The following TNFRSF21 variants were observed in gnomAD, a reference collection of about 807,000 sequenced individuals.
TNFRSF21 encodes TNF receptor superfamily member 21, also known as tumor necrosis factor receptor superfamily member 21.
TNFRSF21 carries 19 observed loss-of-function variants against 45.6 expected under a neutral mutation model. The ratio of observed to expected loss-of-function variants is 0.42; its 90% confidence interval spans 0.29 to 0.61. The LOEUF (loss-of-function observed/expected upper bound fraction) is 0.61. Among genes scored for constraint, TNFRSF21 ranks in the 20% least tolerant of loss-of-function variants. The pLI, the probability that TNFRSF21 is intolerant of heterozygous loss-of-function variation, is 0.23. For synonymous variants in TNFRSF21, 314 were observed against 335.5 expected, an observed-to-expected ratio of 0.94 and a Z score of 0.70; for missense variants, 737 against 851.5, an observed-to-expected ratio of 0.87 and a Z score of 1.67.
intron 4 of TNFRSF21, among the ~76,000 whole-genome samples, chr6:47,242,276 A>C (rs1764755470): frequency 6.6e-6 from 1 of 152,172 alleles, no homozygotes; most frequent in Non-Finnish European, 1.5e-5. Flanking sequence ...AATAATGAAA[A>C]GGTTTTGTTT....
At chr6:47,238,960 A>C (rs980025571) in intron 4 of TNFRSF21, among the ~76,000 whole-genome samples, 3 of 152,140 alleles carry the variant, frequency 2.0e-5, no homozygotes, top group Non-Finnish European at 4.4e-5. Flanking sequence ...TAAAAAACTG[A>C]AGTACCCACT....
At chr6:47,236,102 G>A (rs1475641119) in intron 4 of TNFRSF21, among the ~76,000 whole-genome samples, 3 of 152,180 alleles carry the variant, frequency 2.0e-5, no homozygotes, top group Non-Finnish European at 4.4e-5. Context: ...AAGTGACTGC[G>A]GCCCAAAGAG....
At chr6:47,253,632 G>GT (rs1366790911) in intron 3 of TNFRSF21, 111 bp from the exon 4 acceptor site, 1 of 1,298,424 alleles carries the variant, frequency 7.7e-7, no homozygotes, top group African/African-American at 1.5e-5. Flanking sequence ...TCCTATCGCT[G>GT]TATGTCAAAG....
rs753166934 is a variant in TNFRSF21 at position 47,284,352 on chromosome 6, C to T, written c.829G>A (p.Asp277Asn). Residue 277 changes from aspartate to asparagine, a missense_variant, in exon 3 of 6, where the codon GAC becomes AAC. Asp to Asn is a conservative substitution (Grantham distance 23). Transcript: ENST00000296861. ...TTCCCCCTTGCTGAGCTTGTGTTGT[C>T]AGGGACTGTCCCTTCCTGGATGCTA... Reference protein sequence around the residue: ...LSSIQEGTVPDNTSSARGKED... With the variant: ...LSSIQEGTVPNNTSSARGKED... 1.9e-6 allele frequency: 3 copies of T among 1,577,350 alleles called. No individual in the cohort carries two copies. The highest frequency in any genetic ancestry group is 2.6e-6 in the Non-Finnish European group (3 of 1,163,154).
intron 4 of TNFRSF21, among the ~76,000 whole-genome samples, chr6:47,249,007 T>C (rs1764860589): frequency 6.6e-6 from 1 of 152,140 alleles, no homozygotes; most frequent in African/African-American, 2.4e-5. Flanking sequence ...GGCCAAGTAA[T>C]TTACTCAGGG....
rs1465716063 is a variant in TNFRSF21 at position 47,282,391 on chromosome 6, AAAAT to A, written c.1243+1543_1243+1546del. Among the ~76,000 whole-genome samples, 15 of 133,114 alleles carry A rather than the reference AAAAT, an allele frequency of 1.1e-4. No homozygotes were observed. In the East Asian group the frequency reaches 1.4e-3, roughly 12 times the overall value. The allele number at this position is 133,114 out of a possible 152,430, so 87.3% of individuals were successfully genotyped here. On this transcript the variant is annotated intron_variant, in intron 3 of 5. Coordinates refer to ENST00000296861, the MANE Select transcript of TNFRSF21 (RefSeq NM_014452.5). ...AAGAGCTAAATTCTGTCTCAAAAAA[AAAAT>A]AAAAAAAAAAAACCCTCAGAAAGTT...
At chr6:47,242,243 A>C (rs1395282711) in intron 4 of TNFRSF21, among the ~76,000 whole-genome samples, 1 of 151,932 alleles carries the variant, frequency 6.6e-6, no homozygotes, top group Non-Finnish European at 1.5e-5. Context: ...ACTCCCACTC[A>C]CCCCAGATCT....
intron 4 of TNFRSF21, among the ~76,000 whole-genome samples, chr6:47,253,037 T>A (rs1053275427): frequency 6.6e-6 from 1 of 151,730 alleles, no homozygotes; most frequent in African/African-American, 2.4e-5. Context: ...GCATCAGTAT[T>A]TTTTTTTAAA....
intron 4 of TNFRSF21, among the ~76,000 whole-genome samples, chr6:47,252,455 T>G (rs1031543360): frequency 6.6e-6 from 1 of 152,254 alleles, no homozygotes; most frequent in Non-Finnish European, 1.5e-5. Context: ...TACATACAAT[T>G]AAAGAAAGGC....
intron 1 of TNFRSF21, among the ~76,000 whole-genome samples, chr6:47,307,521 G>A (rs115244572): frequency 0.014 from 2,137 of 152,186 alleles, 23 homozygotes; most frequent in Non-Finnish European, 0.022. Context: ...TGGGCATACA[G>A]GCGCACACCA....
intron 4 of TNFRSF21, among the ~76,000 whole-genome samples, chr6:47,242,120 AAGCTGGG>A: frequency 6.6e-6 from 1 of 152,064 alleles, no homozygotes; most frequent in Non-Finnish European, 1.5e-5. Context: ...AGTGAACCTT[AAGCTGGG>A]AGCCAATGCA....
At chr6:47,276,343 A>T (rs1762498198) in intron 3 of TNFRSF21, among the ~76,000 whole-genome samples, 1 of 152,156 alleles carries the variant, frequency 6.6e-6, no homozygotes, top group South Asian at 2.1e-4. Flanking sequence ...TTTTGCTCCC[A>T]CTCATAGCTG....
intron 3 of TNFRSF21, among the ~76,000 whole-genome samples, chr6:47,262,154 C>G (rs6918898): frequency 0.39 from 59,897 of 151,840 alleles, 12,111 homozygotes; most frequent in African/African-American, 0.48. Context: ...AGAAAAAAAA[C>G]AAAAAACACC....
At chr6:47,300,106 G>A (rs1269417744) in intron 1 of TNFRSF21, among the ~76,000 whole-genome samples, 8 of 152,326 alleles carry the variant, frequency 5.3e-5, no homozygotes, top group East Asian at 3.9e-4. Flanking sequence ...GCTCAACACA[G>A]TGCCGACTGG....
chr6:47,306,785 G>C (rs969235535), intron 1 of TNFRSF21, among the ~76,000 whole-genome samples: 11 of 152,132 alleles, frequency 7.2e-5, no homozygotes, highest in Non-Finnish European at 1.5e-4. Flanking sequence ...GGAGATATTT[G>C]AAAGAAGAGC....
intron 1 of TNFRSF21, among the ~76,000 whole-genome samples, chr6:47,298,190 A>G (rs1762815983): frequency 6.6e-6 from 1 of 150,508 alleles, no homozygotes; most frequent in Admixed American, 6.6e-5. Context: ...GTCTTAAAAG[A>G]GTGAGCATGG....
intron 3 of TNFRSF21, among the ~76,000 whole-genome samples, chr6:47,279,013 T>C (rs1004640843): frequency 6.6e-6 from 1 of 152,146 alleles, no homozygotes. Context: ...TTTCCCTCAC[T>C]TTTCTTCACA....
At chr6:47,237,712 C>T (rs1013008169) in intron 4 of TNFRSF21, among the ~76,000 whole-genome samples, 5 of 152,090 alleles carry the variant, frequency 3.3e-5, no homozygotes, top group Non-Finnish European at 5.9e-5. Flanking sequence ...GGCACGGTGA[C>T]TCACACCTAT....
At chr6:47,233,687 A>G (rs1764619048) in intron 5 of TNFRSF21, among the ~76,000 whole-genome samples, 1 of 150,256 alleles carries the variant, frequency 6.7e-6, no homozygotes, top group Non-Finnish European at 1.5e-5. Flanking sequence ...TTTTATGTAA[A>G]TGTAAAATAG....
Sources: allele counts gnomAD v4.1 joint callset (sites outside exome capture counted in the v4.1 genomes callset), GRCh38; gene constraint gnomAD v4.1.1; transcripts MANE v1.5; gene names NCBI Gene and HGNC (gene_info 2026-07-23, HGNC 2026-07-21).